SFTPA1: variants seen among roughly 807,000 people sequenced by gnomAD.
SFTPA1 encodes pulmonary surfactant-associated protein A1.
In SFTPA1, 13 loss-of-function variants were observed where a neutral mutation model predicts 19.1. The ratio of observed to expected loss-of-function variants is 0.68; its 90% CI spans 0.44 to 1.08. SFTPA1 has a LOEUF of 1.08. Among genes scored for constraint, SFTPA1 ranks in the 50% least tolerant of loss-of-function variants. The pLI is 0.00. For missense variants in SFTPA1, 259 were observed against 316.4 expected (o/e 0.82, Z 1.38); for synonymous variants, 101 against 117.0 (o/e 0.86, Z 0.88).
Position 79,611,690 on chromosome 10 carries a change from G to A in SFTPA1, c.-23-113G>A, listed in dbSNP as rs765619676. 2.8e-5 allele frequency: 45 copies of A among 1,592,772 alleles called. No individual in the cohort carries two copies. The Middle Eastern group carries it at 7.7e-4, about 27-fold the overall frequency. ...AGCTTCGGGTCTTCCCAGCACTCTG[G>A]TCTCGCCCGCCCTGCCTCTCGGGCT... On this transcript the variant is annotated intron_variant, in intron 2 of 5. Coordinates refer to ENST00000398636, the MANE Select transcript of SFTPA1 (RefSeq NM_005411.5).
chr10:79,614,972 G>A lies in SFTPA1; in HGVS notation c.*859G>A. The A allele has an allele frequency of 3.1e-6, 4 of 1,301,828 alleles. No individual in the cohort carries two copies. The South Asian group carries it at 5.0e-5, about 16-fold the overall frequency. The allele number at this position is 1,301,828 out of a possible 1,614,324, so 80.6% of individuals were successfully genotyped here. A position where few individuals can be genotyped will look rare whatever the true frequency, so the allele number is the denominator to read the frequency against. On this transcript the variant is annotated 3_prime_UTR_variant, in exon 6 of 6. Transcript: ENST00000398636. ...AGATATTTCATTAAAATTATCACGT[G>A]CCAGGTCTTAGGATATGTCGTGGGG...
At chr10:79,613,125 G>T in intron 4 of SFTPA1, 64 bp from the exon 5 acceptor site, 8 of 1,613,228 alleles carry the variant, frequency 5.0e-6, no homozygotes, top group Non-Finnish European at 6.8e-6. Context: ...CAAAACACCT[G>T]CGTGGCAGCA....
chr10:79,613,579 A>G, intron 5 of SFTPA1, among the ~76,000 whole-genome samples, 158 bp from the exon 6 acceptor site: 1 of 152,194 alleles, frequency 6.6e-6, no homozygotes, highest in Non-Finnish European at 1.5e-5. Flanking sequence ...AGAGTCTAAA[A>G]GTGAATTTAG....
At chr10:79,612,648 C>T (rs1316883313) in intron 4 of SFTPA1, among the ~76,000 whole-genome samples, 4 of 151,990 alleles carry the variant, frequency 2.6e-5, no homozygotes, top group Non-Finnish European at 5.9e-5. Context: ...TCCTCCGTGC[C>T]TCATGACCAC....
chr10:79,611,961 G>A lies in SFTPA1; in HGVS notation c.136G>A (p.Gly46Arg), dbSNP rs747606462. 25 of 1,613,660 alleles carry A rather than the reference G, an allele frequency of 1.5e-5. No individual in the cohort carries two copies. Among genetic ancestry groups the A allele is most frequent in the South Asian group, 4.4e-5 (4 of 91,058 alleles). The change falls in exon 3 of 6, where the codon GGG becomes AGG. Residue 46 changes from glycine to arginine, a missense_variant. Transcript: ENST00000398636. ...ATCCCACGGCCTGCCAGGCAGGGAC[G>A]GGAGAGATGGTCTCAAAGGAGACCC... ...PGSHGLPGRDGRDGLKGDPGP... is the reference protein window; with the variant it reads ...PGSHGLPGRDRRDGLKGDPGP...
Position 79,611,982 on chromosome 10 carries a change from G to C in SFTPA1, c.157G>C (p.Asp53His), listed in dbSNP as rs1859877774. The change falls in exon 3 of 6, where the codon GAC becomes CAC. Residue 53 changes from aspartate (D) to histidine (H), a missense_variant. Physicochemically the swap from Asp to His is moderately conservative, Grantham distance 81 (BLOSUM62 -1). Transcript: ENST00000398636. ...GRDGRDGLKG[D>H]PGPPGPMGPP... ...GGACGGGAGAGATGGTCTCAAAGGA[G>C]ACCCTGGCCCTCCAGGTACTGTGCT... 1 of 1,613,060 alleles carries C rather than the reference G, an allele frequency of 6.2e-7. No individual in the cohort carries two copies. The highest frequency in any genetic ancestry group is 1.1e-5 in the South Asian group (1 of 91,028).
Position 79,614,090 on chromosome 10 carries a change from C to G in SFTPA1, c.724C>G (p.Arg242Gly). ...GAATGACAGGAACTGCCTGTACTCCCGACTGACCATCTGTGAGTTCTGAGA... is the reference window on the plus strand; with the variant it reads ...GAATGACAGGAACTGCCTGTACTCCGGACTGACCATCTGTGAGTTCTGAGA... ...QWNDRNCLYS[R>G]LTICEF is the part of the protein sequence containing the mutation. The change falls in exon 6 of 6, where the codon CGA (arginine) becomes GGA (glycine). Residue 242 changes from arginine to glycine, a missense_variant. Transcript: ENST00000398636. The G allele has an allele frequency of 6.2e-7, 1 of 1,614,182 alleles. No individual in the cohort carries two copies. Among genetic ancestry groups the G allele is most frequent in the Non-Finnish European group, 8.5e-7 (1 of 1,180,020 alleles).
rs145637102 is a variant in SFTPA1, at chr10:79,614,566, G to A, written c.*453G>A. ...TGGCCAAGCATAATGACAGAGAGAG[G>A]CAGACTTCGGGGAAGCCCTGACTGT... On this transcript the variant is annotated 3_prime_UTR_variant, in exon 6 of 6. Coordinates refer to ENST00000398636, the MANE Select transcript of SFTPA1 (RefSeq NM_005411.5). 5.6e-3 allele frequency: 1,198 copies of A among 212,394 alleles called. 25 individuals carry two copies. The highest frequency in any genetic ancestry group is 0.026 in the African/African-American group (1,134 of 42,932). The allele number at this position is 212,394 out of a possible 1,614,324, so 13.2% of individuals were successfully genotyped here.
intron 5 of SFTPA1, among the ~76,000 whole-genome samples, chr10:79,613,497 C>T (rs1859989765): frequency 6.6e-6 from 1 of 152,172 alleles, no homozygotes; most frequent in African/African-American, 2.4e-5. Flanking sequence ...CCTTGCTTTC[C>T]ACTGAATTCC....
At position 79,612,011 on chromosome 10, in the gene SFTPA1, G is replaced by C. The variant is rs1202354738; in HGVS notation, c.172+14G>C. On this transcript the variant is annotated intron_variant, in intron 3 of 5. Coordinates refer to ENST00000398636, the MANE Select transcript of SFTPA1 (RefSeq NM_005411.5). ...CTGGCCCTCCAGGTACTGTGCTGCA[G>C]ACCCCACCCTCAGCTGAGGGACACA... 1 of 1,612,364 alleles carries C rather than the reference G, an allele frequency of 6.2e-7. No homozygotes were observed. Among genetic ancestry groups the C allele is most frequent in the Non-Finnish European group, 8.5e-7 (1 of 1,178,962 alleles).
Position 79,611,403 on chromosome 10 carries a change from CTAAT to C in SFTPA1, c.-24+15_-24+18del, listed in dbSNP as rs1859840087. 7 of 620,184 alleles carry C rather than the reference CTAAT, an allele frequency of 1.1e-5. No individual in the cohort carries two copies. Among genetic ancestry groups the C allele is most frequent in the African/African-American group, 5.5e-5 (3 of 54,250 alleles). The allele number at this position is 620,184 out of a possible 1,614,324, so 38.4% of individuals were successfully genotyped here. On this transcript the variant is annotated intron_variant, in intron 2 of 5. Transcript: ENST00000398636. ...GTGAGTCAGTGAGTGAGTGACCTGA[CTAAT>C]AGCCTGGGAGGGACAGGGCAGGTTT... is the stretch of plus-strand genomic sequence containing the variant.
chr10:79,613,457 C>T (rs943397151), intron 5 of SFTPA1, among the ~76,000 whole-genome samples, 191 bp downstream of exon 5: 1 of 152,222 alleles, frequency 6.6e-6, no homozygotes, highest in African/African-American at 2.4e-5. Flanking sequence ...ATTCACTCCC[C>T]ATTTCATAGG....
At chr10:79,613,713 T>A in intron 5 of SFTPA1, 24 bp from the exon 6 acceptor site, 7 of 1,613,998 alleles carry the variant, frequency 4.3e-6, no homozygotes, top group Non-Finnish European at 5.1e-6. Flanking sequence ...GTCAGTGGCC[T>A]GACCCGGACT....
At position 79,614,771 on chromosome 10, in the gene SFTPA1, C is replaced by T. The variant is rs909960486; in HGVS notation, c.*658C>T. On this transcript the variant is annotated 3_prime_UTR_variant, in exon 6 of 6. Transcript: ENST00000398636. ...AGTCTTTGAATGGCAACTCAGCCCC[C>T]TGACCTGAAGACAGCCAGCCTAGGC... 2 of 342,424 alleles carry T rather than the reference C, an allele frequency of 5.8e-6. No homozygotes were observed. Among genetic ancestry groups the T allele is most frequent in the African/African-American group, 4.3e-5 (2 of 46,268 alleles). 21.2% of individuals were successfully genotyped at this position (342,424 alleles called of 1,614,324 possible).
chr10:79,615,106 C>A lies in SFTPA1; in HGVS notation c.*993C>A. ...TTGCTGTCACAGTTATTACCATCCC[C>A]CCAGCTACCAAAATTACTACCAGAA... On this transcript the variant is annotated 3_prime_UTR_variant, in exon 6 of 6. Transcript: ENST00000398636. The A allele has an allele frequency of 7.7e-7, 1 of 1,304,122 alleles. No homozygotes were observed. Among genetic ancestry groups the A allele is most frequent in the Non-Finnish European group, 1.0e-6 (1 of 988,280 alleles). 80.8% of individuals were successfully genotyped at this position (1,304,122 alleles called of 1,614,324 possible). A position where few individuals can be genotyped will look rare whatever the true frequency, so the allele number is the denominator to read the frequency against.
rs945175722 is a variant in SFTPA1, at chr10:79,615,112, T to C, written c.*999T>C. ...TCACAGTTATTACCATCCCCCCAGC[T>C]ACCAAAATTACTACCAGAACTGTTA... On this transcript the variant is annotated 3_prime_UTR_variant, in exon 6 of 6. Transcript: ENST00000398636. The C allele has an allele frequency of 1.5e-6, 2 of 1,302,850 alleles. No homozygotes were observed. The highest frequency in any genetic ancestry group is 2.0e-6 in the Non-Finnish European group (2 of 987,398). The allele number at this position is 1,302,850 out of a possible 1,614,324, so 80.7% of individuals were successfully genotyped here.
chr10:79,613,038 C>G, intron 4 of SFTPA1, 151 bp from the exon 5 acceptor site: 1 of 1,518,772 alleles, frequency 6.6e-7, no homozygotes, highest in Non-Finnish European at 8.8e-7. Flanking sequence ...ACACTGGAAT[C>G]TTGTGGACCC....
At chr10:79,611,151 G>C (rs1335364074) in intron 1 of SFTPA1, among the ~76,000 whole-genome samples, 168 bp from the exon 2 acceptor site, 1 of 152,210 alleles carries the variant, frequency 6.6e-6, no homozygotes, top group Non-Finnish European at 1.5e-5. Context: ...GACCTGCAAA[G>C]ATCCTCATGT....
In SFTPA1 at chr10:79,613,725, C is replaced by T; in HGVS notation, c.371-12C>T. ...GTGGTCAGTGGCCTGACCCGGACTC[C>T]TCTGCTCTCAGCCCTCAGTCTGCAG... On this transcript the variant is annotated splice_polypyrimidine_tract_variant and intron_variant, in intron 5 of 5. Coordinates refer to ENST00000398636, the MANE Select transcript of SFTPA1 (RefSeq NM_005411.5). The T allele has an allele frequency of 1.9e-6, 3 of 1,613,968 alleles. No individual in the cohort carries two copies. The highest frequency in any genetic ancestry group is 2.5e-6 in the Non-Finnish European group (3 of 1,179,870).
Sources: gnomAD v4.1 joint callset for allele counts (sites outside exome capture counted in the v4.1 genomes callset) on GRCh38, gnomAD v4.1.1 for gene constraint, MANE v1.5 for transcripts, NCBI Gene and HGNC (gene_info 2026-07-23, HGNC 2026-07-21) for gene names.